The following DCC variants were observed in gnomAD, a reference collection of about 807,000 sequenced individuals.
The protein encoded by DCC is DCC netrin 1 receptor.
A neutral mutation model predicts 172.5 loss-of-function variants in DCC; 58 were observed. That is an observed-to-expected ratio of 0.34 (90% CI 0.27 to 0.42). The LOEUF (loss-of-function observed/expected upper bound fraction) is 0.42, where lower values mean the gene tolerates loss of function less well. DCC is among the 10% of genes least tolerant of loss of function. DCC has a pLI of 1.00. For synonymous variants in DCC, 709 were observed against 644.5 expected, an observed-to-expected ratio of 1.10 and a Z score of -1.52; for missense variants, 1,740 against 1,791.0, an observed-to-expected ratio of 0.97 and a Z score of 0.51.
intron 2 of DCC, among the ~76,000 whole-genome samples, chr18:52,880,606 T>C (rs538852788): frequency 1.3e-5 from 2 of 152,346 alleles, no homozygotes; most frequent in African/African-American, 4.8e-5. Context: ...ATTTAGAATA[T>C]GTGAAGTTTG....
intron 1 of DCC, among the ~76,000 whole-genome samples, chr18:52,365,512 G>A (rs1214417146): frequency 6.8e-6 from 1 of 147,162 alleles, no homozygotes; most frequent in African/African-American, 2.6e-5. Flanking sequence ...GAGTACTAAT[G>A]CCAATTGCTT....
chr18:53,435,146 C>T lies in DCC; in HGVS notation c.3166C>T (p.Arg1056Cys). 6.2e-7 allele frequency: 1 copy of T among 1,608,450 alleles called. No individual in the cohort carries two copies. The highest frequency in any genetic ancestry group is 8.5e-7 in the Non-Finnish European group (1 of 1,175,104). Residue 1056 changes from arginine (R) to cysteine (C), a missense_variant and splice_region_variant, in exon 22 of 29, where the codon CGT (arginine) becomes TGT (cysteine). Transcript: ENST00000442544. ...TGACATGCTCTCCCAATGAACAGGT[C>T]GTCATGGAGATGGAGGTTATTGGCC... Reference protein sequence around the residue: ...HPDKMANDQGRHGDGGYWPVD... With the variant: ...HPDKMANDQGCHGDGGYWPVD...
At chr18:52,475,090 A>G (rs1989056317) in intron 1 of DCC, among the ~76,000 whole-genome samples, 1 of 152,194 alleles carries the variant, frequency 6.6e-6, no homozygotes, top group South Asian at 2.1e-4. Flanking sequence ...TGACAAGTGA[A>G]GGGCCTGACA....
At chr18:53,339,441 C>T (rs72927212) in intron 14 of DCC, among the ~76,000 whole-genome samples, 24,321 of 152,032 alleles carry the variant, frequency 0.16, 2,383 homozygotes, top group African/African-American at 0.27. Context: ...AGAAAAAAAG[C>T]CCAAGTAAGA....
chr18:52,808,756 A>C (rs2038136973), intron 2 of DCC, among the ~76,000 whole-genome samples: 1 of 152,144 alleles, frequency 6.6e-6, no homozygotes, highest in Non-Finnish European at 1.5e-5. Flanking sequence ...CTGGGTAAAT[A>C]AGGGTGTCCT....
At position 53,450,148 on chromosome 18, in the gene DCC, CACACAT is replaced by C. The variant is rs1319602770; in HGVS notation, c.3230-346_3230-341del. ...ATATATATATATATATATATACACA[CACACAT>C]ACACACATACATATGCATACATACA... On this transcript the variant is annotated intron_variant, in intron 22 of 28. Coordinates refer to ENST00000442544, the MANE Select transcript of DCC (RefSeq NM_005215.4). Among the ~76,000 whole-genome samples the C allele has an allele frequency of 5.3e-5, 8 of 151,442 alleles. No homozygotes were observed. The East Asian group carries it at 1.6e-3, about 30-fold the overall frequency.
intron 5 of DCC, among the ~76,000 whole-genome samples, chr18:52,979,903 G>C (rs1200519629): frequency 6.6e-6 from 1 of 152,180 alleles, no homozygotes; most frequent in Admixed American, 6.5e-5. Context: ...AACAGGCGGA[G>C]TGGTTGCAAA....
chr18:53,278,545 C>A lies in DCC; in HGVS notation c.1912-27033C>A, dbSNP rs138690098. ...AAACAGGATCTCTGTCTTGTAGGTC[C>A]TCTTTTCCCTCTGCTCCCTCTCCTT... On this transcript the variant is annotated intron_variant, in intron 12 of 28. Coordinates refer to ENST00000442544, the MANE Select transcript of DCC (RefSeq NM_005215.4). Among the ~76,000 whole-genome samples the A allele has an allele frequency of 7.2e-3, 1,092 of 152,194 alleles. 12 individuals are homozygous for A. The highest frequency in any genetic ancestry group is 9.3e-3 in the Non-Finnish European group (631 of 67,988).
At chr18:53,019,649 A>G (rs1206306948) in intron 5 of DCC, among the ~76,000 whole-genome samples, 2 of 152,156 alleles carry the variant, frequency 1.3e-5, no homozygotes, top group African/African-American at 4.8e-5. Flanking sequence ...TTTTGCTGTG[A>G]TATATTCCAG....
intron 12 of DCC, among the ~76,000 whole-genome samples, chr18:53,269,283 C>G (rs894715752): frequency 5.9e-5 from 9 of 152,094 alleles, no homozygotes; most frequent in African/African-American, 2.2e-4. Flanking sequence ...GTTCATTGAA[C>G]TTTAACAACA....
chr18:53,470,428 GTCT>G (rs1255925665), intron 25 of DCC, among the ~76,000 whole-genome samples: 6 of 152,034 alleles, frequency 3.9e-5, no homozygotes, highest in Non-Finnish European at 8.8e-5. Context: ...ACATCTTCCT[GTCT>G]TCTTCTGAGC....
chr18:52,806,004 G>C (rs2038077247), intron 2 of DCC, among the ~76,000 whole-genome samples: 2 of 152,280 alleles, frequency 1.3e-5, no homozygotes, highest in Middle Eastern at 3.4e-3. Context: ...CCATGCTTGA[G>C]GTTTAAGGTG....
At chr18:53,061,627 A>G (rs1279331157) in intron 5 of DCC, among the ~76,000 whole-genome samples, 2 of 152,158 alleles carry the variant, frequency 1.3e-5, no homozygotes, top group African/African-American at 4.8e-5. Context: ...GTATTATTGC[A>G]GTATCTTTCT....
intron 1 of DCC, among the ~76,000 whole-genome samples, chr18:52,673,937 G>A (rs1000019999): frequency 1.4e-4 from 21 of 152,134 alleles, no homozygotes; most frequent in African/African-American, 4.8e-4. Context: ...GGCTACAATA[G>A]CAATGGGTAG....
At chr18:52,500,717 C>G (rs2030985146) in intron 1 of DCC, among the ~76,000 whole-genome samples, 1 of 152,044 alleles carries the variant, frequency 6.6e-6, no homozygotes, top group South Asian at 2.1e-4. Flanking sequence ...CTCTGCAAAG[C>G]TTTTTCATAA....
intron 15 of DCC, among the ~76,000 whole-genome samples, chr18:53,354,962 G>A (rs1365532550): frequency 6.6e-6 from 1 of 152,018 alleles, no homozygotes; most frequent in East Asian, 1.9e-4. Context: ...TAAGGTGTAA[G>A]GAAGGGATCC....
At chr18:53,231,804 A>T (rs2056125042) in intron 12 of DCC, among the ~76,000 whole-genome samples, 2 of 152,116 alleles carry the variant, frequency 1.3e-5, no homozygotes, top group Admixed American at 6.6e-5. Flanking sequence ...GCCTCTTCTT[A>T]TCGCATGCAC....
intron 2 of DCC, among the ~76,000 whole-genome samples, chr18:52,874,430 G>A (rs1465172890): frequency 2.6e-5 from 4 of 151,958 alleles, no homozygotes; most frequent in Non-Finnish European, 5.9e-5. Flanking sequence ...TTACCATAAA[G>A]GTATTTAAAT....
At chr18:53,097,642 A>T (rs2043105869) in intron 7 of DCC, among the ~76,000 whole-genome samples, 1 of 152,160 alleles carries the variant, frequency 6.6e-6, no homozygotes, top group Non-Finnish European at 1.5e-5. Flanking sequence ...CGAAAATAGC[A>T]TGGACTGGGT....
Sources: allele counts gnomAD v4.1 joint callset (sites outside exome capture counted in the v4.1 genomes callset), GRCh38; gene constraint gnomAD v4.1.1; transcripts MANE v1.5; gene names NCBI Gene and HGNC (gene_info 2026-07-23, HGNC 2026-07-21).